Variants in PIP5K1B observed in about 807,000 individuals in gnomAD.
PIP5K1B encodes the protein phosphatidylinositol-4-phosphate 5-kinase type 1 beta, also known as phosphatidylinositol 4-phosphate 5-kinase type-1 beta.
PIP5K1B carries 42 observed loss-of-function variants against 67.0 expected under a neutral mutation model. That is an observed-to-expected ratio of 0.63 (90% CI 0.49 to 0.81). The LOEUF (loss-of-function observed/expected upper bound fraction) is 0.81. Among genes scored for constraint, PIP5K1B ranks in the 30% least tolerant of loss-of-function variants. The pLI is 0.00. For missense variants in PIP5K1B, 459 were observed against 646.3 expected (o/e 0.71, Z 3.14); for synonymous variants, 214 against 231.4 (o/e 0.92, Z 0.68).
chr9:68,974,302 C>G (rs182445067), intron 14 of PIP5K1B, among the ~76,000 whole-genome samples: 3 of 152,196 alleles, frequency 2.0e-5, no homozygotes, highest in East Asian at 1.9e-4. Flanking sequence ...AGTATAGGCT[C>G]TAGAATCACC....
intron 14 of PIP5K1B, among the ~76,000 whole-genome samples, chr9:68,979,705 A>G (rs919475515): frequency 6.6e-6 from 1 of 152,120 alleles, no homozygotes; most frequent in Non-Finnish European, 1.5e-5. Context: ...CTTCCTGCCT[A>G]TGGGTTCTAA....
chr9:68,714,184 A>G (rs1827525576), intron 1 of PIP5K1B, among the ~76,000 whole-genome samples: 1 of 152,246 alleles, frequency 6.6e-6, no homozygotes, highest in African/African-American at 2.4e-5. Flanking sequence ...TGGATATCCC[A>G]AAGGCACCTC....
chr9:68,991,737 C>G (rs947413527), intron 15 of PIP5K1B, among the ~76,000 whole-genome samples: 3 of 152,132 alleles, frequency 2.0e-5, no homozygotes, highest in Non-Finnish European at 2.9e-5. Flanking sequence ...TGGGAAGGAA[C>G]CTTTCTGACT....
chr9:68,780,044 C>T (rs1157540221), intron 2 of PIP5K1B: 3 of 1,341,364 alleles, frequency 2.2e-6, no homozygotes, highest in Non-Finnish European at 2.9e-6. Flanking sequence ...TACGCATGCG[C>T]AGAGGGGCCA....
chr9:68,927,863 G>A (rs879316205), intron 12 of PIP5K1B, among the ~76,000 whole-genome samples: 7 of 151,938 alleles, frequency 4.6e-5, no homozygotes, highest in Non-Finnish European at 4.4e-5. Flanking sequence ...TGTTTTCTTT[G>A]AAGAGTTTTA....
intron 4 of PIP5K1B, among the ~76,000 whole-genome samples, chr9:68,830,443 C>CG (rs1322691024): frequency 1.8e-3 from 2 of 1,096 alleles, no homozygotes; most frequent in South Asian, 0.12. Flanking sequence ...AGCGAGCCAA[C>CG]CCTCTCATTA....
chr9:68,718,187 C>T (rs1207550426), intron 1 of PIP5K1B, among the ~76,000 whole-genome samples: 1 of 152,142 alleles, frequency 6.6e-6, no homozygotes, highest in Non-Finnish European at 1.5e-5. Flanking sequence ...ATCAAGAAGG[C>T]ATAGTAAAAC....
At chr9:68,927,133 A>G (rs145600466) in intron 12 of PIP5K1B, among the ~76,000 whole-genome samples, 26 of 152,360 alleles carry the variant, frequency 1.7e-4, no homozygotes, top group Non-Finnish European at 2.9e-4. Flanking sequence ...ATTGCAGAAT[A>G]TTCCATTATA....
chr9:68,809,783 A>T (rs905426276), intron 2 of PIP5K1B, among the ~76,000 whole-genome samples: 2 of 152,180 alleles, frequency 1.3e-5, no homozygotes, highest in African/African-American at 4.8e-5. Flanking sequence ...GAAGCTTTCC[A>T]TGAGCCCCAC....
chr9:68,956,727 T>C (rs1175377984), intron 14 of PIP5K1B, among the ~76,000 whole-genome samples: 2 of 152,228 alleles, frequency 1.3e-5, no homozygotes, highest in African/African-American at 4.8e-5. Context: ...TACTTAGAAG[T>C]GCATTCAGCC....
intron 2 of PIP5K1B, among the ~76,000 whole-genome samples, chr9:68,800,966 T>C (rs541080660): frequency 6.6e-6 from 1 of 152,292 alleles, no homozygotes; most frequent in Admixed American, 6.5e-5. Flanking sequence ...CATATAGAAA[T>C]CCCAGATAGG....
intron 2 of PIP5K1B, among the ~76,000 whole-genome samples, chr9:68,795,107 C>T (rs1268027755): frequency 2.0e-5 from 3 of 152,116 alleles, no homozygotes; most frequent in African/African-American, 7.2e-5. Flanking sequence ...TCCTCTGAAT[C>T]AGTGTACTAC....
At chr9:68,876,445 T>C (rs928352814) in intron 5 of PIP5K1B, among the ~76,000 whole-genome samples, 2 of 152,218 alleles carry the variant, frequency 1.3e-5, no homozygotes, top group African/African-American at 2.4e-5. Flanking sequence ...TTTTCAGGCA[T>C]GTGACACTGA....
chr9:68,901,023 T>A (rs1437419102), intron 8 of PIP5K1B, among the ~76,000 whole-genome samples: 1 of 152,264 alleles, frequency 6.6e-6, no homozygotes, highest in Non-Finnish European at 1.5e-5. Context: ...TTTTACATTT[T>A]GTTCAGACAG....
intron 2 of PIP5K1B, chr9:68,780,830 C>T (rs148212052): frequency 5.6e-6 from 9 of 1,614,212 alleles, no homozygotes; most frequent in Non-Finnish European, 7.6e-6. Context: ...AGGGCATCAC[C>T]AACATGCTTT....
At chr9:68,745,198 G>C (rs1258657157) in intron 2 of PIP5K1B, among the ~76,000 whole-genome samples, 1 of 152,208 alleles carries the variant, frequency 6.6e-6, no homozygotes, top group African/African-American at 2.4e-5. Flanking sequence ...CCCCTCATGA[G>C]GCTGGAAGGG....
Position 68,966,099 on chromosome 9 carries a change from AAC to A in PIP5K1B, c.1503-25037_1503-25036del, listed in dbSNP as rs1418445240. 2.0e-5 allele frequency among the ~76,000 whole-genome samples: 3 copies of A among 152,302 alleles called. No homozygotes were observed. In the East Asian group the frequency reaches 5.8e-4, roughly 29 times the overall value. On this transcript the variant is annotated intron_variant, in intron 14 of 15. Transcript: ENST00000265382. ...ATTGGAACAATTTGAGCAATAAAATAACACAGTTTTGAGTTATAACCCAAAGA... is the reference window on the plus strand; with the variant it reads ...ATTGGAACAATTTGAGCAATAAAATAACAGTTTTGAGTTATAACCCAAAGA...
At chr9:68,878,850 TA>T (rs1414184083) in intron 6 of PIP5K1B, among the ~76,000 whole-genome samples, 2 of 152,174 alleles carry the variant, frequency 1.3e-5, no homozygotes, top group Non-Finnish European at 2.9e-5. Context: ...AACCATGCCT[TA>T]AAAACTACGA....
At chr9:68,766,655 G>C (rs544374830) in intron 2 of PIP5K1B, among the ~76,000 whole-genome samples, 2 of 152,120 alleles carry the variant, frequency 1.3e-5, no homozygotes, top group Non-Finnish European at 2.9e-5. Flanking sequence ...AGTGTCAAAA[G>C]TAATTGTTTC....
Sources: gnomAD v4.1 joint callset for allele counts (sites outside exome capture counted in the v4.1 genomes callset) on GRCh38, gnomAD v4.1.1 for gene constraint, MANE v1.5 for transcripts, NCBI Gene and HGNC (gene_info 2026-07-23, HGNC 2026-07-21) for gene names.